SIPA1L2: variants seen among roughly 807,000 people sequenced by gnomAD.
The protein encoded by SIPA1L2 is signal induced proliferation associated 1 like 2.
In SIPA1L2, 56 loss-of-function variants were observed where a neutral mutation model predicts 163.9. The observed-to-expected ratio is 0.34, with a 90% confidence interval of 0.28 to 0.43. The LOEUF (loss-of-function observed/expected upper bound fraction) is 0.43, where lower values mean the gene tolerates loss of function less well. Ranked by LOEUF, SIPA1L2 falls within the 20% of genes least tolerant of loss-of-function variation. The pLI is 1.00. For missense variants in SIPA1L2, 1,974 were observed against 2,193.5 expected (o/e 0.90, Z 2.00); for synonymous variants, 877 against 865.7 (o/e 1.01, Z -0.23).
At chr1:232,454,449 C>T (rs774479565) in intron 10 of SIPA1L2, among the ~76,000 whole-genome samples, 2 of 152,164 alleles carry the variant, frequency 1.3e-5, no homozygotes, top group African/African-American at 2.4e-5. Flanking sequence ...AAGCTCAGCA[C>T]GTTCTTGTCA....
rs1340861622 is a variant in SIPA1L2 at position 232,630,115 on chromosome 1, C to T, written c.-565G>A. Among the ~76,000 whole-genome samples the T allele has an allele frequency of 9.3e-5, 14 of 151,238 alleles. No homozygotes were observed. The highest frequency in any genetic ancestry group is 1.8e-4 in the Non-Finnish European group (12 of 67,686). ...TCCTCCTCCTCTCGCTCCGCCAGCT[C>T]CTCCCGGGCTCCCAGTCTGCCGCGC... On this transcript the variant is annotated 5_prime_UTR_variant, in exon 1 of 23. Transcript: ENST00000674635.
rs1457449941 is a variant in SIPA1L2, at chr1:232,555,026, C to A, written c.-270+19148G>T. 5.9e-5 allele frequency among the ~76,000 whole-genome samples: 9 copies of A among 152,272 alleles called. No homozygotes were observed. In the East Asian group the frequency reaches 1.7e-3, roughly 29 times the overall value. On this transcript the variant is annotated intron_variant, in intron 2 of 22. Transcript: ENST00000674635. ...GAAATTGAGTTTACAAACTTATGGACATTAATTATTCAATTTTGGCAGATG... is the reference window on the plus strand; with the variant it reads ...GAAATTGAGTTTACAAACTTATGGAAATTAATTATTCAATTTTGGCAGATG...
intron 2 of SIPA1L2, among the ~76,000 whole-genome samples, chr1:232,526,578 C>A (rs996135265): frequency 1.6e-4 from 24 of 152,294 alleles, no homozygotes; most frequent in African/African-American, 5.5e-4. Context: ...TCGCCTGCTG[C>A]TCGCCTCCTT....
intron 1 of SIPA1L2, among the ~76,000 whole-genome samples, chr1:232,588,130 G>A (rs1188171143): frequency 1.3e-5 from 2 of 152,220 alleles, no homozygotes; most frequent in African/African-American, 2.4e-5. Context: ...TCTGTGTGAA[G>A]GAAGGGAAAG....
Position 232,515,071 on chromosome 1 carries a change from G to A in SIPA1L2, c.269C>T (p.Ser90Phe), listed in dbSNP as rs772086985. 1 of 1,614,002 alleles carries A rather than the reference G, an allele frequency of 6.2e-7. No individual in the cohort carries two copies. Among genetic ancestry groups the A allele is most frequent in the African/African-American group, 1.3e-5 (1 of 74,904 alleles). The change falls in exon 3 of 23, where the codon TCC (serine) becomes TTC (phenylalanine). Residue 90 changes from serine to phenylalanine, a missense_variant. Around this residue, in one of 3 missense-constraint regions of SIPA1L2, gnomAD observed 607 missense variants for 624.0 expected, o/e 0.97. Coordinates refer to ENST00000674635, the MANE Select transcript of SIPA1L2 (RefSeq NM_020808.5). ...CAGTGCCTTGCATGTTAGCTCCTTG[G>A]AACAGTCCTTTTTAGGAGGCCATTC... ...VSEWPPKKDCSKELTCKALWE... is the reference protein window; with the variant it reads ...VSEWPPKKDCFKELTCKALWE...
At chr1:232,486,280 C>G (rs952728079) in intron 5 of SIPA1L2, among the ~76,000 whole-genome samples, 1 of 152,192 alleles carries the variant, frequency 6.6e-6, no homozygotes, top group Non-Finnish European at 1.5e-5. Context: ...TGTGAACTCT[C>G]ATTCAGGCAA....
chr1:232,543,795 G>A (rs1012789445), intron 2 of SIPA1L2, among the ~76,000 whole-genome samples: 7 of 152,188 alleles, frequency 4.6e-5, no homozygotes, highest in Non-Finnish European at 7.3e-5. Context: ...GTGAGCCCAG[G>A]AGTTTGAGGC....
chr1:232,516,061 A>C (rs1667206811), intron 2 of SIPA1L2, among the ~76,000 whole-genome samples: 1 of 152,224 alleles, frequency 6.6e-6, no homozygotes, highest in African/African-American at 2.4e-5. Context: ...TCAATGCATG[A>C]ATTGGCTACA....
rs977028912 is a variant in SIPA1L2, at chr1:232,535,300, T to C, written c.-269-19692A>G. Among the ~76,000 whole-genome samples, 4 of 152,210 alleles carry C rather than the reference T, an allele frequency of 2.6e-5. 1 individual carries two copies. Among genetic ancestry groups the C allele is most frequent in the Admixed American group, 2.6e-4 (4 of 15,288 alleles). On this transcript the variant is annotated intron_variant, in intron 2 of 22. Transcript: ENST00000674635. ...GTCTCTCTAAACATCTACTGTTTAATCTAATTTTCCTTCATGAATGTCTGG... is the reference window on the plus strand; with the variant it reads ...GTCTCTCTAAACATCTACTGTTTAACCTAATTTTCCTTCATGAATGTCTGG...
chr1:232,591,637 G>A (rs1660965828), intron 1 of SIPA1L2, among the ~76,000 whole-genome samples: 1 of 152,234 alleles, frequency 6.6e-6, no homozygotes, highest in Non-Finnish European at 1.5e-5. Flanking sequence ...TTACTGACTG[G>A]CAAGGTTTTC....
intron 4 of SIPA1L2, 124 bp from the exon 5 acceptor site, chr1:232,491,186 G>A: frequency 5.1e-6 from 4 of 791,062 alleles, no homozygotes; most frequent in Non-Finnish European, 7.9e-6. Flanking sequence ...TGTAGTGAAA[G>A]GGGCGACAGT....
chr1:232,487,446 G>A (rs1288902046), intron 5 of SIPA1L2, among the ~76,000 whole-genome samples: 1 of 152,136 alleles, frequency 6.6e-6, no homozygotes, highest in Non-Finnish European at 1.5e-5. Flanking sequence ...ATATATATCT[G>A]GGGTGAGAGG....
At chr1:232,582,692 G>T (rs942613270) in intron 1 of SIPA1L2, among the ~76,000 whole-genome samples, 3 of 152,096 alleles carry the variant, frequency 2.0e-5, no homozygotes, top group Non-Finnish European at 2.9e-5. Context: ...TTGCTGGGTC[G>T]AATGGTAGTT....
At chr1:232,428,814 A>AC (rs1662053898) in intron 16 of SIPA1L2, among the ~76,000 whole-genome samples, 1 of 152,178 alleles carries the variant, frequency 6.6e-6, no homozygotes, top group South Asian at 2.1e-4. Flanking sequence ...CCCAGGATGA[A>AC]AAAATTACAC....
chr1:232,488,696 A>G (rs554431935), intron 5 of SIPA1L2, among the ~76,000 whole-genome samples: 1 of 152,250 alleles, frequency 6.6e-6, no homozygotes, highest in South Asian at 2.1e-4. Flanking sequence ...AAATACATTC[A>G]TTGACATCAG....
chr1:232,569,522 A>T lies in SIPA1L2; in HGVS notation c.-270+4652T>A, dbSNP rs150750552. Reference sequence around the variant, plus strand: ...AACTCAGTCTGAGAACATTTTAAAAATCGATGAAGGCCAGGCATGGTGGCT... The same window carrying T: ...AACTCAGTCTGAGAACATTTTAAAATTCGATGAAGGCCAGGCATGGTGGCT... On this transcript the variant is annotated intron_variant, in intron 2 of 22. Transcript: ENST00000674635. Among the ~76,000 whole-genome samples the T allele has an allele frequency of 2.5e-3, 380 of 152,320 alleles. 3 individuals carry two copies. Among genetic ancestry groups the T allele is most frequent in the African/African-American group, 9.0e-3 (373 of 41,568 alleles).
intron 1 of SIPA1L2, among the ~76,000 whole-genome samples, chr1:232,574,890 C>A (rs1235187815): frequency 6.6e-6 from 1 of 152,172 alleles, no homozygotes; most frequent in Non-Finnish European, 1.5e-5. Context: ...TATTTCCAAA[C>A]TCACCACCAC....
At chr1:232,449,941 T>C (rs1663470842) in intron 10 of SIPA1L2, among the ~76,000 whole-genome samples, 1 of 152,158 alleles carries the variant, frequency 6.6e-6, no homozygotes, top group Admixed American at 6.5e-5. Flanking sequence ...GTCAAATCCA[T>C]AGTACTTGGA....
At chr1:232,455,697 AGAGC>A (rs1663865926) in intron 10 of SIPA1L2, among the ~76,000 whole-genome samples, 1 of 141,032 alleles carries the variant, frequency 7.1e-6, no homozygotes, top group Non-Finnish European at 1.5e-5. Context: ...CCTGGGCAAC[AGAGC>A]GAGACTCTGT....
Sources: allele counts gnomAD v4.1 joint callset (sites outside exome capture counted in the v4.1 genomes callset), GRCh38; gene constraint gnomAD v4.1.1; regional missense constraint gnomAD v4.1.1; transcripts MANE v1.5; gene names NCBI Gene and HGNC (gene_info 2026-07-23, HGNC 2026-07-21).